SCARA5: variants seen among roughly 807,000 people sequenced by gnomAD.
The protein encoded by SCARA5 is scavenger receptor class A, member 5 (putative).
In SCARA5, 45 loss-of-function variants were observed where a neutral mutation model predicts 46.3. The observed-to-expected ratio is 0.97, with a 90% CI of 0.76 to 1.24. The LOEUF is 1.24. Ranked by LOEUF, SCARA5 falls within the 50% of genes most tolerant of loss-of-function variation. The pLI is 0.00. For missense variants in SCARA5, 680 were observed against 689.0 expected, an observed-to-expected ratio of 0.99 and a Z score of 0.15; for synonymous variants, 333 against 306.5, an observed-to-expected ratio of 1.09 and a Z score of -0.90.
chr8:27,914,790 A>C (rs1807434701), intron 4 of SCARA5, among the ~76,000 whole-genome samples: 1 of 152,098 alleles, frequency 6.6e-6, no homozygotes, highest in African/African-American at 2.4e-5. Flanking sequence ...CACTCCCCTC[A>C]TGCTCCCCTC....
chr8:27,903,150 A>G (rs1228561281), intron 7 of SCARA5: 6 of 152,220 alleles, frequency 3.9e-5, no homozygotes, highest in Admixed American at 3.9e-4. Flanking sequence ...CTGGTCCTGC[A>G]CAGCTGGGAC....
intron 3 of SCARA5, among the ~76,000 whole-genome samples, chr8:27,951,329 A>G (rs1205319540): frequency 1.3e-5 from 2 of 152,106 alleles, no homozygotes; most frequent in Non-Finnish European, 2.9e-5. Flanking sequence ...AGCTGTGGTC[A>G]CTCCCAAGGT....
At chr8:27,916,748 G>T (rs1009764203) in intron 4 of SCARA5, among the ~76,000 whole-genome samples, 2 of 152,196 alleles carry the variant, frequency 1.3e-5, no homozygotes, top group Non-Finnish European at 2.9e-5. Context: ...AGGCAGGAAA[G>T]ACCCTAGATG....
At chr8:27,873,514 T>G (rs1346511986) in intron 8 of SCARA5, among the ~76,000 whole-genome samples, 1 of 152,004 alleles carries the variant, frequency 6.6e-6, no homozygotes, top group African/African-American at 2.4e-5. Flanking sequence ...TTCTCCTGGC[T>G]CAAAAGCTCC....
chr8:27,925,851 CTCA>C (rs1173090023), intron 3 of SCARA5, among the ~76,000 whole-genome samples: 5 of 152,310 alleles, frequency 3.3e-5, no homozygotes, highest in African/African-American at 1.2e-4. Context: ...TGAAAAAATG[CTCA>C]TCATCACTGG....
rs566875832 is a variant in SCARA5 at position 27,884,672 on chromosome 8, T to C, written c.1154-4906A>G. Among the ~76,000 whole-genome samples, 25 of 152,336 alleles carry C rather than the reference T, an allele frequency of 1.6e-4. No individual in the cohort carries two copies. The East Asian group carries it at 4.4e-3, about 27-fold the overall frequency. Reference sequence around the variant, plus strand: ...GGTAGACGGTCGGAGACTCCCTGACTTAGCCTCTCTGTTCTGGCCAGCCTG... The same window carrying C: ...GGTAGACGGTCGGAGACTCCCTGACCTAGCCTCTCTGTTCTGGCCAGCCTG... On this transcript the variant is annotated intron_variant, in intron 7 of 8. Transcript: ENST00000354914.
At position 27,967,932 on chromosome 8, in the gene SCARA5, A is replaced by AAGGAG. The variant is rs113276312; in HGVS notation, c.113-1395_113-1391dup. On this transcript the variant is annotated intron_variant, in intron 2 of 8. Transcript: ENST00000354914. Reference sequence around the variant, plus strand: ...TCAAAGGAAAGGAAAGGAAAAAGGAAAGGAGAGGAGAGGAGTGTCACTAAC... The same window carrying AAGGAG: ...TCAAAGGAAAGGAAAGGAAAAAGGAAAGGAGAGGAGAGGAGAGGAGTGTCACTAAC... Among the ~76,000 whole-genome samples, 995 of 152,250 alleles carry AAGGAG rather than the reference A, an allele frequency of 6.5e-3. 8 individuals are homozygous for AAGGAG. The highest frequency in any genetic ancestry group is 0.023 in the African/African-American group (950 of 41,524).
At chr8:27,933,537 A>AAAG (rs397969640) in intron 3 of SCARA5, among the ~76,000 whole-genome samples, 1 of 149,572 alleles carries the variant, frequency 6.7e-6, no homozygotes, top group Non-Finnish European at 1.5e-5. Flanking sequence ...AAAAAAAAAA[A>AAAG]GAGACAACAG....
At chr8:27,910,111 G>A (rs2685355) in intron 4 of SCARA5, 104,035 of 183,400 alleles carry the variant, frequency 0.57, 30,489 homozygotes, top group Non-Finnish European at 0.64. Context: ...ATGAAGTCAC[G>A]GGGGTCAGCC....
intron 7 of SCARA5, among the ~76,000 whole-genome samples, chr8:27,898,670 C>T (rs1023374456): frequency 2.6e-5 from 4 of 152,204 alleles, no homozygotes; most frequent in African/African-American, 9.7e-5. Flanking sequence ...TAGTAAGCCC[C>T]TTCCAACCAT....
At chr8:27,928,140 C>T (rs1807711394) in intron 3 of SCARA5, among the ~76,000 whole-genome samples, 1 of 152,206 alleles carries the variant, frequency 6.6e-6, no homozygotes, top group Non-Finnish European at 1.5e-5. Flanking sequence ...GTGTTCTCTG[C>T]TTACACACCA....
At chr8:27,923,718 G>C (rs966328321) in intron 3 of SCARA5, among the ~76,000 whole-genome samples, 1 of 152,112 alleles carries the variant, frequency 6.6e-6, no homozygotes, top group African/African-American at 2.4e-5. Flanking sequence ...TGGGACTACA[G>C]GTGCATGCCA....
intron 3 of SCARA5, among the ~76,000 whole-genome samples, chr8:27,941,430 C>T (rs568826462): frequency 6.6e-6 from 1 of 152,266 alleles, no homozygotes; most frequent in South Asian, 2.1e-4. Flanking sequence ...GAATTAATAA[C>T]GTCTACCTCA....
intron 3 of SCARA5, among the ~76,000 whole-genome samples, chr8:27,923,719 G>A (rs979193909): frequency 3.9e-5 from 6 of 152,104 alleles, no homozygotes; most frequent in Admixed American, 3.9e-4. Flanking sequence ...GGGACTACAG[G>A]TGCATGCCAC....
At chr8:27,883,484 T>C (rs549145501) in intron 7 of SCARA5, among the ~76,000 whole-genome samples, 1 of 152,316 alleles carries the variant, frequency 6.6e-6, no homozygotes, top group East Asian at 1.9e-4. Context: ...TCAGTGGGTC[T>C]TATCAAAATC....
chr8:27,919,065 GGGA>G (rs1770673137), intron 4 of SCARA5, among the ~76,000 whole-genome samples: 1 of 139,674 alleles, frequency 7.2e-6, no homozygotes, highest in Non-Finnish European at 1.6e-5. Flanking sequence ...GAGGAGAGAA[GGGA>G]GGAGGAGGAG....
At chr8:27,988,254 G>A (rs1315914030) in intron 1 of SCARA5, among the ~76,000 whole-genome samples, 1 of 152,176 alleles carries the variant, frequency 6.6e-6, no homozygotes, top group Non-Finnish European at 1.5e-5. Context: ...GGAGCAGGGA[G>A]CCTCTGAAGG....
chr8:27,984,550 A>ATTCATTCATCCATCCG (rs1808672576), intron 2 of SCARA5, among the ~76,000 whole-genome samples: 2 of 152,042 alleles, frequency 1.3e-5, no homozygotes, highest in Non-Finnish European at 2.9e-5. Context: ...TCATCCATCC[A>ATTCATTCATCCATCCG]TCCATTCATT....
chr8:27,890,459 C>G (rs934671659), intron 7 of SCARA5, among the ~76,000 whole-genome samples: 1 of 152,252 alleles, frequency 6.6e-6, no homozygotes, highest in Non-Finnish European at 1.5e-5. Context: ...CTTGTTTGTC[C>G]ATGGCCCCTT....
Sources: allele counts gnomAD v4.1 joint callset (sites outside exome capture counted in the v4.1 genomes callset), GRCh38; gene constraint gnomAD v4.1.1; transcripts MANE v1.5; gene names NCBI Gene and HGNC (gene_info 2026-07-23, HGNC 2026-07-21).